PAPOLG: variants seen among roughly 807,000 people sequenced by gnomAD.
PAPOLG encodes the protein poly(A) polymerase gamma.
In PAPOLG, 40 loss-of-function variants were observed where a neutral mutation model predicts 99.0. That is an observed-to-expected ratio of 0.40 (90% confidence interval 0.31 to 0.53). PAPOLG has a LOEUF of 0.53. PAPOLG is among the 20% of genes least tolerant of loss of function. The pLI is 0.41. For synonymous variants in PAPOLG, 310 were observed against 299.3 expected, an observed-to-expected ratio of 1.04 and a Z score of -0.37; for missense variants, 675 against 884.1, an observed-to-expected ratio of 0.76 and a Z score of 3.00.
rs779961720 is a variant in PAPOLG, at chr2:60,797,168, G to T, written c.*8G>T. ...CTGACCCTTAATCGGTAAAAGCAGTGCCTCCTCACTTAAGTGAACAAGCAA... is the reference window on the plus strand; with the variant it reads ...CTGACCCTTAATCGGTAAAAGCAGTTCCTCCTCACTTAAGTGAACAAGCAA... On this transcript the variant is annotated 3_prime_UTR_variant, in exon 22 of 22. Coordinates refer to ENST00000238714, the MANE Select transcript of PAPOLG (RefSeq NM_022894.4). The T allele has an allele frequency of 1.9e-6, 3 of 1,613,620 alleles. No individual in the cohort carries two copies. In the African/African-American group the frequency reaches 4.0e-5, roughly 22 times the overall value.
At chr2:60,788,955 T>G (rs560218179) in intron 15 of PAPOLG, among the ~76,000 whole-genome samples, 3 of 152,092 alleles carry the variant, frequency 2.0e-5, no homozygotes, top group Non-Finnish European at 4.4e-5. Flanking sequence ...GATTGCGCCA[T>G]TGCTCTCCAG....
intron 1 of PAPOLG, among the ~76,000 whole-genome samples, chr2:60,758,339 T>G (rs1318871316): frequency 1.3e-4 from 20 of 149,774 alleles, no homozygotes; most frequent in Admixed American, 2.7e-4. Context: ...TTTTTTTTTT[T>G]TTTTTTTTTT....
chr2:60,766,384 C>G (rs1428729005), intron 3 of PAPOLG, among the ~76,000 whole-genome samples: 6 of 152,168 alleles, frequency 3.9e-5, no homozygotes, highest in Non-Finnish European at 8.8e-5. Flanking sequence ...TAGCCAGAAG[C>G]TGGACATGGT....
intron 19 of PAPOLG, chr2:60,794,501 G>A: frequency 1.7e-6 from 1 of 584,928 alleles, no homozygotes; most frequent in Non-Finnish European, 2.9e-6. Context: ...GTTAGAATCT[G>A]AATTGATTTA....
At chr2:60,766,571 CAG>C (rs1491221407) in intron 3 of PAPOLG, among the ~76,000 whole-genome samples, 1 of 151,734 alleles carries the variant, frequency 6.6e-6, no homozygotes, top group Non-Finnish European at 1.5e-5. Flanking sequence ...TAAGCCAAGG[CAG>C]GGGGAATATT....
chr2:60,793,586 A>G (rs1348762015), intron 17 of PAPOLG, 41 bp from the exon 18 acceptor site: 2 of 1,601,642 alleles, frequency 1.2e-6, no homozygotes, highest in African/African-American at 2.7e-5. Flanking sequence ...AAAAAGTAAT[A>G]TTTAAATCAT....
At position 60,760,169 on chromosome 2, in the gene PAPOLG, A is replaced by T. The variant is rs754258382; in HGVS notation, c.53A>T (p.His18Leu). Residue 18 changes from histidine (H) to leucine (L), a missense_variant, in exon 2 of 22, where the codon CAT (histidine) becomes CTT (leucine). Transcript: ENST00000238714. ...TVLDSQRQQKHYGITSPISLA... is the reference protein window; with the variant it reads ...TVLDSQRQQKLYGITSPISLA... ...CTGGACAGCCAGCGTCAACAAAAGC[A>T]TTATGGAATTACCTCCCCAATTAGT... is the stretch of plus-strand genomic sequence containing the variant. 6.2e-7 allele frequency: 1 copy of T among 1,614,088 alleles called. No individual in the cohort carries two copies. The highest frequency in any genetic ancestry group is 1.1e-5 in the South Asian group (1 of 91,072).
chr2:60,760,084 TG>T, intron 1 of PAPOLG, 49 bp from the exon 2 acceptor site: 1 of 1,545,708 alleles, frequency 6.5e-7, no homozygotes. Flanking sequence ...TGTATCAGTA[TG>T]GTATATACTT....
intron 7 of PAPOLG, among the ~76,000 whole-genome samples, chr2:60,774,368 CTTTT>C (rs765904108): frequency 8.9e-6 from 1 of 112,582 alleles, no homozygotes. Flanking sequence ...GAACTAATGT[CTTTT>C]TTTTTTTTTT....
intron 21 of PAPOLG, 34 bp downstream of exon 21, chr2:60,795,054 A>G (rs377423507): frequency 8.4e-5 from 130 of 1,547,238 alleles, no homozygotes; most frequent in Non-Finnish European, 1.1e-4. Flanking sequence ...GGTACAGTAC[A>G]TAGGTAAAAA....
chr2:60,759,124 C>T (rs532155283), intron 1 of PAPOLG, among the ~76,000 whole-genome samples: 25 of 152,246 alleles, frequency 1.6e-4, no homozygotes, highest in African/African-American at 5.5e-4. Flanking sequence ...ATCCCAGCAC[C>T]GTGGGAGGCC....
At chr2:60,773,650 C>T (rs990952743) in intron 7 of PAPOLG, among the ~76,000 whole-genome samples, 5 of 147,698 alleles carry the variant, frequency 3.4e-5, no homozygotes, top group African/African-American at 1.3e-4. Context: ...TATTGGTTCA[C>T]AAAATTATTT....
intron 9 of PAPOLG, among the ~76,000 whole-genome samples, chr2:60,780,428 A>C (rs1671153732): frequency 6.6e-6 from 1 of 152,084 alleles, no homozygotes; most frequent in Admixed American, 6.6e-5. Flanking sequence ...AGCGTGCACC[A>C]CTAGGCATGG....
chr2:60,783,825 A>G (rs1330851588), intron 13 of PAPOLG, among the ~76,000 whole-genome samples: 1 of 149,926 alleles, frequency 6.7e-6, no homozygotes, highest in East Asian at 2.0e-4. Flanking sequence ...AAAATATGCC[A>G]TCAAATTAAT....
intron 9 of PAPOLG, among the ~76,000 whole-genome samples, chr2:60,780,035 T>C (rs940405532): frequency 1.3e-5 from 2 of 152,162 alleles, no homozygotes; most frequent in African/African-American, 4.8e-5. Context: ...TATGTAGAGG[T>C]CGTTTAAGCT....
intron 6 of PAPOLG, 70 bp from the exon 7 acceptor site, chr2:60,771,449 G>A: frequency 6.8e-7 from 1 of 1,471,106 alleles, no homozygotes; most frequent in South Asian, 1.5e-5. Flanking sequence ...ACATTTTTTG[G>A]TGGGATGGGA....
intron 7 of PAPOLG, among the ~76,000 whole-genome samples, chr2:60,773,155 G>C (rs557046237): frequency 6.6e-6 from 1 of 152,096 alleles, no homozygotes; most frequent in East Asian, 1.9e-4. Context: ...TCAAACTCTC[G>C]ATATCAGGTG....
chr2:60,792,820 G>A (rs1671580864), intron 17 of PAPOLG, among the ~76,000 whole-genome samples: 1 of 152,194 alleles, frequency 6.6e-6, no homozygotes, highest in African/African-American at 2.4e-5. Context: ...CAGATCACCT[G>A]AGGTCAGGAG....
chr2:60,782,422 T>C (rs912554897), intron 11 of PAPOLG, among the ~76,000 whole-genome samples: 1 of 151,780 alleles, frequency 6.6e-6, no homozygotes, highest in Admixed American at 6.6e-5. Context: ...CCGGAAGTGG[T>C]GGTGGGCACC....
Sources: gnomAD v4.1 joint callset for allele counts (sites outside exome capture counted in the v4.1 genomes callset) on GRCh38, gnomAD v4.1.1 for gene constraint, MANE v1.5 for transcripts, NCBI Gene and HGNC (gene_info 2026-07-23, HGNC 2026-07-21) for gene names.